ZNF584: variants seen among roughly 807,000 people sequenced by gnomAD.
ZNF584 encodes zinc finger protein 584.
ZNF584 carries 12 observed loss-of-function variants against 14.7 expected under a neutral mutation model. The observed-to-expected ratio is 0.82, with a 90% CI of 0.52 to 1.32. The LOEUF (loss-of-function observed/expected upper bound fraction) is 1.32. ZNF584 is among the 40% of genes most tolerant of loss of function. The pLI, the probability that ZNF584 is intolerant of heterozygous loss-of-function variation, is 0.00. For synonymous variants in ZNF584, 204 were observed against 190.9 expected, an observed-to-expected ratio of 1.07 and a Z score of -0.57; for missense variants, 478 against 518.8, an observed-to-expected ratio of 0.92 and a Z score of 0.76.
rs954882669 is a variant in ZNF584, at chr19:58,417,480, C to T, written c.962C>T (p.Thr321Ile). The change falls in exon 4 of 4, where the codon ACT (threonine) becomes ATT (isoleucine). Residue 321 changes from threonine to isoleucine, a missense_variant. Around this residue, in one of 3 missense-constraint regions of ZNF584, gnomAD observed 283 missense variants for 317.3 expected, o/e 0.89. Coordinates refer to ENST00000306910, the MANE Select transcript of ZNF584 (RefSeq NM_173548.3). ...TTCATTCTTCACCAGAGAGTTCACA[C>T]TGGAGAAAGGCCTTTTGAATGCAAG... ...NSFILHQRVH[T>I]GERPFECKQC... is the part of the protein sequence containing the mutation. 2.5e-6 allele frequency: 4 copies of T among 1,614,106 alleles called. No homozygotes were observed. The highest frequency in any genetic ancestry group is 3.4e-6 in the Non-Finnish European group (4 of 1,180,050).
Position 58,409,105 on chromosome 19 carries a change from T to G in ZNF584, c.-43T>G. 8 of 1,472,138 alleles carry G rather than the reference T, an allele frequency of 5.4e-6. No individual in the cohort carries two copies. Among genetic ancestry groups the G allele is most frequent in the Non-Finnish European group, 7.3e-6 (8 of 1,102,996 alleles). 91.2% of individuals were successfully genotyped at this position (1,472,138 alleles called of 1,614,324 possible). ...TTCCGCGCCCGGGACGCGTTTCGGC[T>G]GAGGCCGTGGGTCCAGTCCACGGGT... On this transcript the variant is annotated 5_prime_UTR_variant, in exon 1 of 4. Coordinates refer to ENST00000306910, the MANE Select transcript of ZNF584 (RefSeq NM_173548.3).
At chr19:58,415,829 T>C in intron 3 of ZNF584, 183 bp downstream of exon 3, 1 of 1,602,268 alleles carries the variant, frequency 6.2e-7, no homozygotes, top group South Asian at 1.1e-5. Context: ...GCCCCGCATG[T>C]TCCTGCCTCT....
At chr19:58,412,199 CTTTTTTTTTTTT>C (rs35188048) in intron 2 of ZNF584, among the ~76,000 whole-genome samples, 3 of 83,934 alleles carry the variant, frequency 3.6e-5, no homozygotes, top group African/African-American at 1.8e-4. Flanking sequence ...CCAGGGTGGT[CTTTTTTTTTTTT>C]TTTTTTTTTG....
In ZNF584 at chr19:58,417,363, T is replaced by C. The variant is rs745730411; in HGVS notation, c.845T>C (p.Leu282Pro). 7 of 1,614,042 alleles carry C rather than the reference T, an allele frequency of 4.3e-6. No homozygotes were observed. The South Asian group carries it at 7.7e-5, about 18-fold the overall frequency. The part of the protein sequence containing the change: ...CSKCGKTFSV[L>P]STLIRHRKVH... ...AAATGTGGTAAAACCTTCAGTGTTC[T>C]GTCTACCCTCATTCGGCACCGGAAA... The change falls in exon 4 of 4, where the codon CTG (leucine) becomes CCG (proline). Residue 282 changes from leucine to proline, a missense_variant. Around this residue, in one of 3 missense-constraint regions of ZNF584, gnomAD observed 283 missense variants for 317.3 expected, o/e 0.89. Transcript: ENST00000306910.
chr19:58,417,943 A>C lies in ZNF584; in HGVS notation c.*159A>C, dbSNP rs79708639. On this transcript the variant is annotated 3_prime_UTR_variant, in exon 4 of 4. Transcript: ENST00000306910. Reference sequence around the variant, plus strand: ...TGTGTGGGACGCTTTCGGGAGCCACATTGCACTCTGACTTGCCTGGGGCTG... The same window carrying C: ...TGTGTGGGACGCTTTCGGGAGCCACCTTGCACTCTGACTTGCCTGGGGCTG... 6,690 of 843,660 alleles carry C rather than the reference A, an allele frequency of 7.9e-3. 258 individuals carry two copies. The African/African-American group carries it at 0.085, about 11-fold the overall frequency. 52.3% of individuals were successfully genotyped at this position (843,660 alleles called of 1,614,324 possible).
At chr19:58,410,647 GTA>G (rs1202119449) in intron 2 of ZNF584, among the ~76,000 whole-genome samples, 1 of 25,916 alleles carries the variant, frequency 3.9e-5, no homozygotes, top group Non-Finnish European at 6.2e-5. Context: ...ATATATATGT[GTA>G]TATATGTGTA....
chr19:58,410,941 G>T (rs1162061271), intron 2 of ZNF584, among the ~76,000 whole-genome samples: 3 of 149,740 alleles, frequency 2.0e-5, no homozygotes, highest in African/African-American at 7.4e-5. Flanking sequence ...ACAGGCTCGC[G>T]CCACCATGCC....
At chr19:58,408,248 T>G (rs1449311794), upstream of ZNF584, 1 of 152,324 alleles carries the variant, frequency 6.6e-6, no homozygotes, top group African/African-American at 2.4e-5. Flanking sequence ...ACAGGCGGGC[T>G]TCTGCGGAGG....
Position 58,410,045 on chromosome 19 carries a change from A to G in ZNF584, c.123A>G (p.Leu41=), listed in dbSNP as rs745628988. The G allele has an allele frequency of 3.1e-6, 5 of 1,613,892 alleles. No individual in the cohort carries two copies. The highest frequency in any genetic ancestry group is 4.2e-6 in the Non-Finnish European group (5 of 1,179,930). The part of the protein sequence containing the change: ...WGLLNVTQKG[L]YRDVMLENFA... ...TCCTTAATGTGACCCAGAAGGGCCT[A>G]TACCGGGATGTGATGCTGGAGAACT... Residue 41 remains leucine, a synonymous_variant, in exon 2 of 4, where the codon CTA becomes CTG. Coordinates refer to ENST00000306910, the MANE Select transcript of ZNF584 (RefSeq NM_173548.3).
chr19:58,403,475 T>C lies in ZNF584; in HGVS notation n.92+1813T>C, dbSNP rs144132347. ...TGACATTCTGGAAAAGGTAAAGCTA[T>C]AGAGACAGTAAAGCAGTGACTGCCA... On this transcript the variant is annotated intron_variant and non_coding_transcript_variant, in intron 1 of 3. Transcript: ENST00000594993. Among the ~76,000 whole-genome samples the C allele has an allele frequency of 2.3e-5, 3 of 129,466 alleles. No homozygotes were observed. The East Asian group carries it at 6.8e-4, about 29-fold the overall frequency. The allele number at this position is 129,466 out of a possible 152,430, so 84.9% of individuals were successfully genotyped here.
rs1176667970 is a variant in ZNF584 at position 58,410,589 on chromosome 19, A to ATATG, written c.169+502_169+505dup. On this transcript the variant is annotated intron_variant, in intron 2 of 3. Coordinates refer to ENST00000306910, the MANE Select transcript of ZNF584 (RefSeq NM_173548.3). ...TATATATATGTATATATATGTATAT[A>ATATG]TATGTATATATATGTATATATATGT... Among the ~76,000 whole-genome samples the ATATG allele has an allele frequency of 7.3e-4, 26 of 35,542 alleles. 3 individuals carry two copies. In the African/African-American group the frequency reaches 7.5e-3, roughly 10 times the overall value. The allele number at this position is 35,542 out of a possible 152,430, so 23.3% of individuals were successfully genotyped here. A position where few individuals can be genotyped will look rare whatever the true frequency, so the allele number is the denominator to read the frequency against.
upstream of ZNF584, among the ~76,000 whole-genome samples, chr19:58,407,664 T>C (rs1243079052): frequency 1.3e-5 from 2 of 152,212 alleles, no homozygotes; most frequent in African/African-American, 4.8e-5. Context: ...CACCCAGCAC[T>C]GAGTGCAAAG....
intron 1 of ZNF584, among the ~76,000 whole-genome samples, chr19:58,409,701 A>G (rs1480503938): frequency 6.6e-6 from 1 of 152,174 alleles, no homozygotes; most frequent in Non-Finnish European, 1.5e-5. Context: ...GGCTGGACAC[A>G]GTTTCCAGTA....
chr19:58,409,797 TA>T, intron 1 of ZNF584, 143 bp from the exon 2 acceptor site: 1 of 917,678 alleles, frequency 1.1e-6, no homozygotes, highest in Non-Finnish European at 1.7e-6. Context: ...GTGTAGGGAG[TA>T]AGGTGGGGAA....
chr19:58,416,809 A>G lies in ZNF584; in HGVS notation c.293-2A>G. 2.6e-6 allele frequency: 4 copies of G among 1,530,854 alleles called. No homozygotes were observed. Among genetic ancestry groups the G allele is most frequent in the Non-Finnish European group, 3.5e-6 (4 of 1,141,128 alleles). 94.8% of individuals were successfully genotyped at this position (1,530,854 alleles called of 1,614,324 possible). ...TTAGTAATGATTCATCTCTGCTTTC[A>G]GATGGTTTGTGTAGAGTGGAGGATG... On this transcript the variant is annotated splice_acceptor_variant, in intron 3 of 3. Transcript: ENST00000306910. LOFTEE classifies it high-confidence loss of function.
chr19:58,409,991 G>A lies in ZNF584; in HGVS notation c.69G>A (p.Thr23=), dbSNP rs2052522722. 2.5e-6 allele frequency: 4 copies of A among 1,614,002 alleles called. No individual in the cohort carries two copies. The highest frequency in any genetic ancestry group is 2.2e-5 in the East Asian group (1 of 44,874). Residue 23 remains threonine (T), a synonymous_variant, in exon 2 of 4, where the codon ACG becomes ACA. Transcript: ENST00000306910. ...LQGLVMFEDV[T]VYFSREEWGL... is the part of the protein sequence containing the mutation. ...GCTTGGTGATGTTTGAGGATGTGAC[G>A]GTATATTTCTCCAGGGAGGAGTGGG...
In ZNF584 at chr19:58,417,878, C is replaced by A; in HGVS notation, c.*94C>A. ...CCGAAAGAAGCTAAACCTTGCACATCCCAACACCCACCCCAGGGAGAGTTC... is the reference window on the plus strand; with the variant it reads ...CCGAAAGAAGCTAAACCTTGCACATACCAACACCCACCCCAGGGAGAGTTC... On this transcript the variant is annotated 3_prime_UTR_variant, in exon 4 of 4. Coordinates refer to ENST00000306910, the MANE Select transcript of ZNF584 (RefSeq NM_173548.3). 1 of 1,443,542 alleles carries A rather than the reference C, an allele frequency of 6.9e-7. No homozygotes were observed. The highest frequency in any genetic ancestry group is 9.3e-7 in the Non-Finnish European group (1 of 1,070,806). 89.4% of individuals were successfully genotyped at this position (1,443,542 alleles called of 1,614,324 possible).
chr19:58,413,444 C>A (rs1402655882), intron 2 of ZNF584, among the ~76,000 whole-genome samples: 1 of 151,924 alleles, frequency 6.6e-6, no homozygotes, highest in African/African-American at 2.4e-5. Flanking sequence ...CTCCTGGGTT[C>A]AAGCAATTCT....
chr19:58,402,760 G>A (rs1279646378), intron 1 of ZNF584, among the ~76,000 whole-genome samples: 1 of 146,952 alleles, frequency 6.8e-6, no homozygotes, highest in Non-Finnish European at 1.5e-5. Flanking sequence ...GGAGGCGGAG[G>A]TTGCGGCGAG....
Sources: allele counts gnomAD v4.1 joint callset (sites outside exome capture counted in the v4.1 genomes callset), GRCh38; gene constraint gnomAD v4.1.1; regional missense constraint gnomAD v4.1.1; transcripts MANE v1.5; gene names NCBI Gene and HGNC (gene_info 2026-07-23, HGNC 2026-07-21).